CACNB4: variants seen among roughly 807,000 people sequenced by gnomAD.
CACNB4 encodes the protein calcium voltage-gated channel auxiliary subunit beta 4.
CACNB4 carries 32 observed loss-of-function variants against 71.2 expected under a neutral mutation model. The ratio of observed to expected loss-of-function variants is 0.45; its 90% CI spans 0.34 to 0.60. CACNB4 has a LOEUF of 0.60. Ranked by LOEUF, CACNB4 falls within the 20% of genes least tolerant of loss-of-function variation. The pLI, the probability that CACNB4 is intolerant of heterozygous loss-of-function variation, is 0.01. For synonymous variants in CACNB4, 231 were observed against 236.9 expected (o/e 0.97, Z 0.23); for missense variants, 464 against 647.9 (o/e 0.72, Z 3.08).
At chr2:152,076,911 G>A (rs571244156) in intron 2 of CACNB4, among the ~76,000 whole-genome samples, 12 of 152,214 alleles carry the variant, frequency 7.9e-5, no homozygotes, top group Non-Finnish European at 1.6e-4. Context: ...GAAAACTACA[G>A]AAGGTAAATT....
At chr2:151,839,572 G>C (rs530491827) in intron 13 of CACNB4, among the ~76,000 whole-genome samples, 193 bp from the exon 14 acceptor site, 1 of 152,222 alleles carries the variant, frequency 6.6e-6, no homozygotes, top group Non-Finnish European at 1.5e-5. Context: ...AAAGATGCCA[G>C]AGTGTTGATA....
intron 4 of CACNB4, among the ~76,000 whole-genome samples, chr2:151,879,046 T>G (rs950810785): frequency 3.3e-5 from 5 of 152,256 alleles, no homozygotes; most frequent in African/African-American, 9.6e-5. Context: ...TAGGTCTGTT[T>G]ATTTTGGAAT....
At chr2:151,865,768 T>TTCTC (rs1553751710) in intron 9 of CACNB4, 1 of 141,144 alleles carries the variant, frequency 7.1e-6, no homozygotes, top group East Asian at 2.0e-4. Flanking sequence ...GTGTTTTTCT[T>TTCTC]TTTCTTTCTT....
chr2:152,071,799 T>C (rs1305358794), intron 2 of CACNB4, among the ~76,000 whole-genome samples: 1 of 152,260 alleles, frequency 6.6e-6, no homozygotes. Context: ...TAAAGGCATC[T>C]AATATTTCCT....
intron 2 of CACNB4, among the ~76,000 whole-genome samples, chr2:152,075,119 A>G (rs900933746): frequency 2.0e-5 from 3 of 152,226 alleles, no homozygotes; most frequent in Non-Finnish European, 4.4e-5. Context: ...TGCATCCAAT[A>G]TCTACATATA....
intron 2 of CACNB4, among the ~76,000 whole-genome samples, chr2:152,027,987 T>G (rs985699210): frequency 3.9e-5 from 6 of 151,962 alleles, no homozygotes; most frequent in South Asian, 4.2e-4. Flanking sequence ...TTTTTATACC[T>G]TCTTAGTGCA....
At chr2:152,064,477 T>C (rs1579228447) in intron 2 of CACNB4, among the ~76,000 whole-genome samples, 1 of 152,160 alleles carries the variant, frequency 6.6e-6, no homozygotes, top group Admixed American at 6.5e-5. Context: ...GCCTCCCAGG[T>C]TCAAGCGATT....
chr2:151,948,939 T>C (rs891632633), intron 2 of CACNB4, among the ~76,000 whole-genome samples: 30 of 152,148 alleles, frequency 2.0e-4, no homozygotes, highest in African/African-American at 7.2e-4. Context: ...AGTACATTTG[T>C]TTAAAGGTAG....
In CACNB4 at chr2:151,839,322, T is replaced by G; in HGVS notation, c.1360A>C (p.Ser454Arg). ...STENSPIERR[S>R]LMTSDENYHN... ...TAATTTTCATCAGAGGTCATTAGAC[T>G]TCGTCTTTCAATTGGAGAGTTCTCT... The change falls in exon 14 of 14, where the codon AGT becomes CGT. Residue 454 changes from serine (S) to arginine (R), a missense_variant. Ser to Arg is a moderately radical substitution (Grantham distance 110). Transcript: ENST00000539935. 6.2e-7 allele frequency: 1 copy of G among 1,613,272 alleles called. No homozygotes were observed. The highest frequency in any genetic ancestry group is 8.5e-7 in the Non-Finnish European group (1 of 1,179,224).
At chr2:151,948,123 G>T (rs570235012) in intron 2 of CACNB4, among the ~76,000 whole-genome samples, 1 of 152,180 alleles carries the variant, frequency 6.6e-6, no homozygotes, top group East Asian at 1.9e-4. Context: ...AATCTCTCAT[G>T]AGAAACTAGG....
At chr2:152,088,172 C>T (rs1374610516) in intron 2 of CACNB4, among the ~76,000 whole-genome samples, 1 of 139,866 alleles carries the variant, frequency 7.1e-6, no homozygotes, top group African/African-American at 2.5e-5. Context: ...CACACACATA[C>T]ACACACACAC....
At chr2:152,033,898 C>T (rs1298806131) in intron 2 of CACNB4, among the ~76,000 whole-genome samples, 2 of 152,332 alleles carry the variant, frequency 1.3e-5, no homozygotes, top group East Asian at 3.9e-4. Context: ...AGGTAACAGA[C>T]ATTTCCCTTC....
chr2:152,097,153 T>C (rs1204537546), intron 2 of CACNB4, among the ~76,000 whole-genome samples: 2 of 152,152 alleles, frequency 1.3e-5, no homozygotes, highest in African/African-American at 4.8e-5. Flanking sequence ...AGTCAAAATT[T>C]CCGCTTCTGC....
At chr2:152,032,777 A>AC (rs5835404) in intron 2 of CACNB4, among the ~76,000 whole-genome samples, 43,638 of 151,252 alleles carry the variant, frequency 0.29, 6,460 homozygotes, top group Middle Eastern at 0.42. Flanking sequence ...ATATAGTGAG[A>AC]CCCCCCATCT....
At chr2:152,049,587 C>G (rs1435577519) in intron 2 of CACNB4, among the ~76,000 whole-genome samples, 2 of 152,082 alleles carry the variant, frequency 1.3e-5, no homozygotes, top group African/African-American at 4.8e-5. Flanking sequence ...TTCCTTCTTT[C>G]CTTTTTTTCT....
chr2:152,067,404 T>G (rs981688279), intron 2 of CACNB4, among the ~76,000 whole-genome samples: 2 of 150,862 alleles, frequency 1.3e-5, no homozygotes, highest in Admixed American at 1.3e-4. Flanking sequence ...GGGGGGTGCC[T>G]CTCACTGTGT....
chr2:151,882,173 CG>C (rs1458757781), intron 3 of CACNB4, among the ~76,000 whole-genome samples: 1 of 144,928 alleles, frequency 6.9e-6, no homozygotes, highest in Non-Finnish European at 1.5e-5. Flanking sequence ...GCCACTGCAC[CG>C]GCCCCTCTTT....
intron 2 of CACNB4, among the ~76,000 whole-genome samples, chr2:152,053,272 T>G (rs1290455700): frequency 6.6e-6 from 1 of 152,102 alleles, no homozygotes; most frequent in Non-Finnish European, 1.5e-5. Context: ...TAAGTTGAGT[T>G]GATCACTAAT....
intron 2 of CACNB4, among the ~76,000 whole-genome samples, chr2:152,034,459 G>A (rs1369319233): frequency 2.0e-5 from 3 of 152,132 alleles, no homozygotes; most frequent in Non-Finnish European, 2.9e-5. Context: ...CAAGGACAAC[G>A]CTTATCCTGC....
Sources: allele counts gnomAD v4.1 joint callset (sites outside exome capture counted in the v4.1 genomes callset), GRCh38; gene constraint gnomAD v4.1.1; transcripts MANE v1.5; gene names NCBI Gene and HGNC (gene_info 2026-07-23, HGNC 2026-07-21).